SMARCA2: variants seen among roughly 807,000 people sequenced by gnomAD.
SMARCA2 encodes SWI/SNF related BAF chromatin remodeling complex subunit ATPase 2.
SMARCA2 carries 61 observed loss-of-function variants against 199.8 expected under a neutral mutation model. The observed-to-expected ratio is 0.31, with a 90% CI of 0.25 to 0.38. The LOEUF is 0.38. SMARCA2 is among the 10% of genes least tolerant of loss of function. SMARCA2 has a pLI of 1.00. For missense variants in SMARCA2, 1,344 were observed against 2,012.2 expected, an observed-to-expected ratio of 0.67 and a Z score of 6.35; for synonymous variants, 935 against 732.0, an observed-to-expected ratio of 1.28 and a Z score of -4.48.
chr9:2,062,789 G>T (rs1820659689), intron 9 of SMARCA2, among the ~76,000 whole-genome samples: 1 of 152,124 alleles, frequency 6.6e-6, no homozygotes, highest in African/African-American at 2.4e-5. Flanking sequence ...TTCTCTCACA[G>T]TTTAATCAGA....
At chr9:2,173,822 C>T (rs1418727895) in intron 29 of SMARCA2, among the ~76,000 whole-genome samples, 4 of 152,148 alleles carry the variant, frequency 2.6e-5, no homozygotes, top group Non-Finnish European at 2.9e-5. Context: ...CCCCTTTTCA[C>T]GGGACACTGT....
In SMARCA2 at chr9:2,086,764, G is replaced by A. The variant is rs1821819436; in HGVS notation, c.2527-65G>A. On this transcript the variant is annotated intron_variant, in intron 17 of 33. Coordinates refer to ENST00000349721, the MANE Select transcript of SMARCA2 (RefSeq NM_003070.5). This position sits in a 1 kb window ranked among gnomAD's most constrained non-coding sequence, Gnocchi z 4.3. The stretch of plus-strand genomic sequence containing the variant: ...TCTTTGGTTTTCCGCACCACCACTT[G>A]CTTGTTGGAAATAGTTGTATTTTCC... 1 of 1,585,488 alleles carries A rather than the reference G, an allele frequency of 6.3e-7. No homozygotes were observed. Among genetic ancestry groups the A allele is most frequent in the South Asian group, 1.1e-5 (1 of 88,904 alleles).
chr9:2,142,019 T>C (rs565896975), intron 27 of SMARCA2, among the ~76,000 whole-genome samples: 36 of 152,240 alleles, frequency 2.4e-4, no homozygotes, highest in African/African-American at 8.7e-4. Flanking sequence ...GCTCCTACAG[T>C]AGGGGCCCCT....
chr9:2,068,684 T>C (rs896091432), intron 9 of SMARCA2, among the ~76,000 whole-genome samples: 3 of 152,134 alleles, frequency 2.0e-5, no homozygotes, highest in Non-Finnish European at 4.4e-5. Flanking sequence ...GGAGGAAAGC[T>C]CATTTTCTCA....
chr9:2,152,839 G>A (rs1478345533), intron 27 of SMARCA2, among the ~76,000 whole-genome samples: 2 of 152,000 alleles, frequency 1.3e-5, no homozygotes, highest in African/African-American at 2.4e-5. Context: ...GCAACAGAGG[G>A]AGCAAGACTG....
rs1267836705 is a variant in SMARCA2, at chr9:2,060,693, C to T, written c.1522-123C>T. ...CTGTGCAATGGCTTGAACAGCCCAACTCATCCAGTTTGCTACACTCCTACC... is the reference window on the plus strand; with the variant it reads ...CTGTGCAATGGCTTGAACAGCCCAATTCATCCAGTTTGCTACACTCCTACC... On this transcript the variant is annotated intron_variant, in intron 8 of 33. Transcript: ENST00000349721. 3 of 818,710 alleles carry T rather than the reference C, an allele frequency of 3.7e-6. No homozygotes were observed. In the Admixed American group the frequency reaches 7.2e-5, roughly 20 times the overall value. The allele number at this position is 818,710 out of a possible 1,614,324, so 50.7% of individuals were successfully genotyped here. A position where few individuals can be genotyped will look rare whatever the true frequency, so the allele number is the denominator to read the frequency against.
intron 27 of SMARCA2, among the ~76,000 whole-genome samples, chr9:2,151,064 C>G (rs7858394): frequency 0.76 from 114,552 of 150,938 alleles, 44,466 homozygotes; most frequent in Middle Eastern, 0.85. Context: ...TATAGCAATT[C>G]CGAGTCACTG....
chr9:2,160,030 G>T (rs1257707109), intron 27 of SMARCA2: 26 of 1,349,262 alleles, frequency 1.9e-5, no homozygotes. Context: ...CTGGGTGCTT[G>T]AGGAGAGCAA....
intron 32 of SMARCA2, among the ~76,000 whole-genome samples, chr9:2,189,409 G>A (rs952652746): frequency 2.2e-4 from 33 of 151,990 alleles, no homozygotes; most frequent in African/African-American, 5.1e-4. Flanking sequence ...TTTAGATTAC[G>A]CTCTCAAGGA....
intron 13 of SMARCA2, among the ~76,000 whole-genome samples, chr9:2,077,011 G>T (rs1444913236): frequency 3.9e-5 from 6 of 152,126 alleles, no homozygotes; most frequent in Non-Finnish European, 8.8e-5. Context: ...CCATGGTTGT[G>T]TGCCCCACTT....
chr9:2,083,830 C>T (rs74661212), intron 16 of SMARCA2, among the ~76,000 whole-genome samples: 1 of 152,194 alleles, frequency 6.6e-6, no homozygotes, highest in East Asian at 1.9e-4. Context: ...TCTACTACCA[C>T]AAATTCACTG....
rs142116212 is a variant in SMARCA2 at position 2,077,047 on chromosome 9, G to A, written c.2037-582G>A. Among the ~76,000 whole-genome samples, 147 of 152,232 alleles carry A rather than the reference G, an allele frequency of 9.7e-4. 1 individual carries two copies. The highest frequency in any genetic ancestry group is 3.5e-3 in the African/African-American group (144 of 41,532). On this transcript the variant is annotated intron_variant, in intron 13 of 33. Transcript: ENST00000349721. Reference sequence around the variant, plus strand: ...TAGGGACCCTTCCTCCTAGCAGTCTGCCCTGATCCTTCACTGAAGGTGTTA... The same window carrying A: ...TAGGGACCCTTCCTCCTAGCAGTCTACCCTGATCCTTCACTGAAGGTGTTA...
chr9:2,096,039 C>T (rs1240899900), intron 19 of SMARCA2, among the ~76,000 whole-genome samples: 2 of 152,162 alleles, frequency 1.3e-5, no homozygotes, highest in Admixed American at 6.5e-5. Flanking sequence ...CACAGGAGGC[C>T]TTGTCCTCCT....
At chr9:2,175,038 C>T (rs949307648) in intron 29 of SMARCA2, among the ~76,000 whole-genome samples, 6 of 150,088 alleles carry the variant, frequency 4.0e-5, no homozygotes, top group South Asian at 4.2e-4. Context: ...AAGACAGGGA[C>T]GCTTTGAGTC....
intron 27 of SMARCA2, among the ~76,000 whole-genome samples, chr9:2,159,185 G>T (rs1251280795): frequency 6.6e-6 from 1 of 152,138 alleles, no homozygotes; most frequent in Non-Finnish European, 1.5e-5. Context: ...TTAAGGCGGG[G>T]TGAGAGTAGA....
At chr9:2,182,528 C>G (rs1236828822) in intron 31 of SMARCA2, among the ~76,000 whole-genome samples, 2 of 124,858 alleles carry the variant, frequency 1.6e-5, no homozygotes, top group Non-Finnish European at 3.2e-5. Context: ...CAGAATTTCA[C>G]TGTCTCCCAG....
chr9:2,192,648 C>G (rs1426864320), intron 33 of SMARCA2, 56 bp from the exon 34 acceptor site: 7 of 1,225,216 alleles, frequency 5.7e-6, no homozygotes, highest in Admixed American at 3.4e-5. Context: ...GTTGTTATAT[C>G]TTCTTTTTCT....
chr9:2,110,379 A>G lies in SMARCA2; in HGVS notation c.3418A>G (p.Thr1140Ala). 1 of 1,613,518 alleles carries G rather than the reference A, an allele frequency of 6.2e-7. No individual in the cohort carries two copies. The highest frequency in any genetic ancestry group is 8.5e-7 in the Non-Finnish European group (1 of 1,179,782). The change falls in exon 24 of 34, where the codon ACA (threonine) becomes GCA (alanine). Residue 1140 changes from threonine (T) to alanine (A), a missense_variant. By Grantham distance (58) the Thr-to-Ala change is moderately conservative (BLOSUM62 0). Around this residue, in one of 18 missense-constraint regions of SMARCA2, gnomAD observed 36 missense variants for 172.5 expected, o/e 0.21. Coordinates refer to ENST00000349721, the MANE Select transcript of SMARCA2 (RefSeq NM_003070.5). The surrounding 1 kb of genome is among the most constrained non-coding windows in gnomAD (Gnocchi z 4.8). ...GGGCTTAAATCTTCAGGCAGCTGATACAGTGGTCATCTTTGACAGCGACTG... is the reference window on the plus strand; with the variant it reads ...GGGCTTAAATCTTCAGGCAGCTGATGCAGTGGTCATCTTTGACAGCGACTG... The part of the protein sequence containing the change: ...GLGLNLQAAD[T>A]VVIFDSDWNP...
chr9:2,116,091 C>T lies in SMARCA2; in HGVS notation c.3684+42C>T, dbSNP rs765320559. The T allele has an allele frequency of 1.1e-5, 15 of 1,424,028 alleles. No individual in the cohort carries two copies. In the Admixed American group the frequency reaches 2.6e-4, roughly 25 times the overall value. The allele number at this position is 1,424,028 out of a possible 1,614,324, so 88.2% of individuals were successfully genotyped here. A position where few individuals can be genotyped will look rare whatever the true frequency, so the allele number is the denominator to read the frequency against. ...CAAGTTTATGAAATCAAACAGTGGC[C>T]TTTTGTCTCTGAAGGACTCAGAATA... On this transcript the variant is annotated intron_variant, in intron 25 of 33. Transcript: ENST00000349721.
Sources: gnomAD v4.1 joint callset for allele counts (sites outside exome capture counted in the v4.1 genomes callset) on GRCh38, gnomAD v4.1.1 for gene constraint, gnomAD v4.1.1 regional missense constraint, Gnocchi (gnomAD v3.1) non-coding constraint, MANE v1.5 for transcripts, NCBI Gene and HGNC (gene_info 2026-07-23, HGNC 2026-07-21) for gene names.